Variants in DEPDC1B observed in about 807,000 individuals in gnomAD.
DEPDC1B encodes DEP domain-containing protein 1B.
A neutral mutation model predicts 66.5 loss-of-function variants in DEPDC1B; 51 were observed. The ratio of observed to expected loss-of-function variants is 0.77; its 90% CI spans 0.61 to 0.97. DEPDC1B has a LOEUF of 0.97. Ranked by LOEUF, DEPDC1B falls within the 50% of genes least tolerant of loss-of-function variation. The probability of loss-of-function intolerance (pLI) is 0.00; values close to 1 mark genes in which losing one functional copy is unlikely to be tolerated. For missense variants in DEPDC1B, 552 were observed against 637.1 expected (o/e 0.87, Z 1.44); for synonymous variants, 226 against 223.6 (o/e 1.01, Z -0.10).
chr5:60,613,788 TTGTGTGTGTGTGTG>T (rs36109910), intron 7 of DEPDC1B, among the ~76,000 whole-genome samples: 9 of 103,316 alleles, frequency 8.7e-5, no homozygotes, highest in South Asian at 8.2e-4. Context: ...ACATATGTAT[TTGTGTGTGTGTGTG>T]TGTGTGTGTG....
intron 2 of DEPDC1B, among the ~76,000 whole-genome samples, chr5:60,679,692 A>C (rs1265933596): frequency 6.6e-6 from 1 of 152,144 alleles, no homozygotes; most frequent in Non-Finnish European, 1.5e-5. Context: ...TCAACCACCC[A>C]CCAGAGCTAG....
chr5:60,613,068 C>A (rs574822644), intron 7 of DEPDC1B, among the ~76,000 whole-genome samples: 1 of 152,140 alleles, frequency 6.6e-6, no homozygotes, highest in Admixed American at 6.6e-5. Flanking sequence ...ATATTCATTG[C>A]GAGATTTCAA....
At chr5:60,676,489 G>A (rs1251573201) in intron 2 of DEPDC1B, among the ~76,000 whole-genome samples, 2 of 152,056 alleles carry the variant, frequency 1.3e-5, no homozygotes, top group Non-Finnish European at 1.5e-5. Flanking sequence ...TTCTCCTTTT[G>A]AAATAAAACC....
chr5:60,598,605 G>A (rs1382390134), intron 10 of DEPDC1B, among the ~76,000 whole-genome samples: 2 of 152,300 alleles, frequency 1.3e-5, no homozygotes, highest in African/African-American at 2.4e-5. Context: ...CCTAACATAA[G>A]AGGAACTAAA....
At chr5:60,649,785 A>G (rs1333290317) in intron 2 of DEPDC1B, among the ~76,000 whole-genome samples, 1 of 152,102 alleles carries the variant, frequency 6.6e-6, no homozygotes, top group Non-Finnish European at 1.5e-5. Context: ...AAAGAAAACT[A>G]TAAAATTTTA....
chr5:60,616,093 A>G (rs1355745942), intron 7 of DEPDC1B, among the ~76,000 whole-genome samples: 1 of 152,204 alleles, frequency 6.6e-6, no homozygotes, highest in East Asian at 1.9e-4. Context: ...TAACTGTTAG[A>G]AGGAAAACTA....
At chr5:60,648,713 T>TA (rs1561374791) in intron 2 of DEPDC1B, among the ~76,000 whole-genome samples, 1 of 152,102 alleles carries the variant, frequency 6.6e-6, no homozygotes, top group African/African-American at 2.4e-5. Flanking sequence ...TTGGGTCAGT[T>TA]AAAAAAAGAG....
At chr5:60,618,264 A>G (rs1752611797) in intron 7 of DEPDC1B, among the ~76,000 whole-genome samples, 1 of 152,238 alleles carries the variant, frequency 6.6e-6, no homozygotes, top group South Asian at 2.1e-4. Context: ...AAAAGCCAAC[A>G]GAAGGCAAGA....
chr5:60,618,380 T>C (rs1011353939), intron 7 of DEPDC1B, among the ~76,000 whole-genome samples: 45 of 152,052 alleles, frequency 3.0e-4, no homozygotes, highest in Non-Finnish European at 5.7e-4. Context: ...ACAAAATTGA[T>C]AGACTGCTAG....
At chr5:60,624,077 A>G (rs1388770523) in intron 7 of DEPDC1B, among the ~76,000 whole-genome samples, 1 of 152,148 alleles carries the variant, frequency 6.6e-6, no homozygotes, top group Non-Finnish European at 1.5e-5. Flanking sequence ...TTTTCTGACC[A>G]TAGGGGAAAG....
Position 60,686,947 on chromosome 5 carries a change from A to C in DEPDC1B, c.314+15T>G. 6.2e-7 allele frequency: 1 copy of C among 1,612,966 alleles called. No individual in the cohort carries two copies. Among genetic ancestry groups the C allele is most frequent in the South Asian group, 1.1e-5 (1 of 91,024 alleles). On this transcript the variant is annotated intron_variant, in intron 2 of 10. Transcript: ENST00000265036. ...CCCCAATTCCTCACCTTCCAGGTTT[A>C]CATGTTGCCATTACCTGTATAAGTG...
At chr5:60,659,206 C>G (rs1753648439) in intron 2 of DEPDC1B, among the ~76,000 whole-genome samples, 1 of 152,186 alleles carries the variant, frequency 6.6e-6, no homozygotes, top group African/African-American at 2.4e-5. Context: ...ATCTTGGGAG[C>G]AGCCCACCCC....
chr5:60,637,266 G>A (rs1753064881), intron 7 of DEPDC1B, among the ~76,000 whole-genome samples: 1 of 152,138 alleles, frequency 6.6e-6, no homozygotes, highest in Non-Finnish European at 1.5e-5. Flanking sequence ...AGTTTCTAAT[G>A]GCTTAGCACC....
intron 2 of DEPDC1B, among the ~76,000 whole-genome samples, chr5:60,678,956 A>G (rs1447160252): frequency 1.3e-5 from 2 of 152,188 alleles, no homozygotes; most frequent in Non-Finnish European, 2.9e-5. Flanking sequence ...TGTCATGTCT[A>G]AAAACTCTTT....
At chr5:60,669,289 C>T (rs922214277) in intron 2 of DEPDC1B, among the ~76,000 whole-genome samples, 2 of 152,078 alleles carry the variant, frequency 1.3e-5, no homozygotes, top group Non-Finnish European at 2.9e-5. Context: ...TGATTTAAAG[C>T]CCTTTTAAGA....
At chr5:60,671,967 T>C (rs1294186940) in intron 2 of DEPDC1B, among the ~76,000 whole-genome samples, 1 of 152,224 alleles carries the variant, frequency 6.6e-6, no homozygotes, top group East Asian at 1.9e-4. Flanking sequence ...CTTTATTAGA[T>C]GTAAAGTCTT....
intron 2 of DEPDC1B, among the ~76,000 whole-genome samples, chr5:60,670,712 G>A (rs1268596289): frequency 6.6e-6 from 1 of 152,198 alleles, no homozygotes; most frequent in Non-Finnish European, 1.5e-5. Flanking sequence ...CTGGGAACCA[G>A]AGGGTGGAAG....
Position 60,631,806 on chromosome 5 carries a change from G to A in DEPDC1B, c.898+6944C>T, listed in dbSNP as rs113791803. Reference sequence around the variant, plus strand: ...GGTTCTAGGGTCTCACTGAAATTGTGGTCAGCCTTATTCATAGGATCACAG... The same window carrying A: ...GGTTCTAGGGTCTCACTGAAATTGTAGTCAGCCTTATTCATAGGATCACAG... On this transcript the variant is annotated intron_variant, in intron 7 of 10. Coordinates refer to ENST00000265036, the MANE Select transcript of DEPDC1B (RefSeq NM_018369.3). Among the ~76,000 whole-genome samples the A allele has an allele frequency of 1.2e-3, 189 of 152,266 alleles. 2 individuals carry two copies. The highest frequency in any genetic ancestry group is 4.5e-3 in the African/African-American group (188 of 41,550).
intron 2 of DEPDC1B, among the ~76,000 whole-genome samples, chr5:60,663,107 C>A (rs757200258): frequency 6.6e-6 from 1 of 152,138 alleles, no homozygotes; most frequent in Non-Finnish European, 1.5e-5. Context: ...CATTATACAC[C>A]TGAACATAGG....
Sources: gnomAD v4.1 joint callset for allele counts (sites outside exome capture counted in the v4.1 genomes callset) on GRCh38, gnomAD v4.1.1 for gene constraint, MANE v1.5 for transcripts, NCBI Gene and HGNC (gene_info 2026-07-23, HGNC 2026-07-21) for gene names.